DIS3L2: variants seen among roughly 807,000 people sequenced by gnomAD.
The protein encoded by DIS3L2 is DIS3-like exonuclease 2.
In DIS3L2, 34 loss-of-function variants were observed where a neutral mutation model predicts 97.5. The ratio of observed to expected loss-of-function variants is 0.35; its 90% CI spans 0.27 to 0.46. The LOEUF (loss-of-function observed/expected upper bound fraction) is 0.46, where lower values mean the gene tolerates loss of function less well. DIS3L2 is among the 20% of genes least tolerant of loss of function. DIS3L2 has a pLI of 1.00. For synonymous variants in DIS3L2, 435 were observed against 445.2 expected, an observed-to-expected ratio of 0.98 and a Z score of 0.29; for missense variants, 1,038 against 1,146.0, an observed-to-expected ratio of 0.91 and a Z score of 1.36.
intron 14 of DIS3L2, among the ~76,000 whole-genome samples, chr2:232,326,162 T>C (rs573061324): frequency 1.3e-5 from 2 of 152,048 alleles, no homozygotes; most frequent in East Asian, 3.9e-4. Flanking sequence ...AGCTGGAGCC[T>C]CCCCATCCCA....
rs763148451 is a variant in DIS3L2, at chr2:232,329,999, G to C, written c.1923+3G>C. ...TCAGCTCCGCAGGAGCCCTCAATGT[G>C]AGTGGTGGGCAGGATTCGGGGGAGG... is the stretch of plus-strand genomic sequence containing the variant. On this transcript the variant is annotated splice_donor_region_variant and intron_variant, in intron 15 of 20. Transcript: ENST00000325385. 1 of 1,605,176 alleles carries C rather than the reference G, an allele frequency of 6.2e-7. No homozygotes were observed. Among genetic ancestry groups the C allele is most frequent in the Non-Finnish European group, 8.5e-7 (1 of 1,174,710 alleles).
chr2:232,232,770 A>G (rs1692830234), intron 10 of DIS3L2, among the ~76,000 whole-genome samples: 2 of 152,172 alleles, frequency 1.3e-5, no homozygotes, highest in African/African-American at 2.4e-5. Context: ...TAGGCTGGTG[A>G]TATACAATTA....
chr2:232,084,901 C>A (rs1240484655), intron 5 of DIS3L2, among the ~76,000 whole-genome samples: 1 of 100,376 alleles, frequency 1.0e-5, no homozygotes, highest in Non-Finnish European at 2.1e-5. Context: ...TCTGATCGTT[C>A]TTTGTAATAT....
At chr2:232,283,485 GGGCTCA>G (rs1221181788) in intron 13 of DIS3L2, among the ~76,000 whole-genome samples, 3 of 152,102 alleles carry the variant, frequency 2.0e-5, no homozygotes, top group African/African-American at 7.2e-5. Context: ...TCCAACTCCT[GGGCTCA>G]GGCAGTCCTT....
intron 7 of DIS3L2, 111 bp from the exon 8 acceptor site, chr2:232,136,361 A>G (rs1698358393): frequency 7.2e-7 from 1 of 1,396,720 alleles, no homozygotes; most frequent in Admixed American, 2.1e-5. Context: ...ATTTTGACCT[A>G]GAAAAACTGC....
At chr2:231,971,731 C>A (rs1166536389) in intron 1 of DIS3L2, among the ~76,000 whole-genome samples, 2 of 152,066 alleles carry the variant, frequency 1.3e-5, no homozygotes, top group East Asian at 3.9e-4. Flanking sequence ...CAGGCGTGAG[C>A]CACCGCACCC....
chr2:232,139,626 AT>A (rs1698456633), intron 8 of DIS3L2, among the ~76,000 whole-genome samples: 1 of 152,172 alleles, frequency 6.6e-6, no homozygotes, highest in African/African-American at 2.4e-5. Context: ...ACAAAACAGA[AT>A]GTTCTAAGTT....
chr2:232,081,170 A>G lies in DIS3L2; in HGVS notation c.367-6317A>G, dbSNP rs7569289. On this transcript the variant is annotated intron_variant, in intron 5 of 20. Transcript: ENST00000325385. ...CAGGTTTAATTTTGGGGAAAAAAAT[A>G]CTTCGTAGGTGGTGATGTGTACTTC... Among the ~76,000 whole-genome samples the G allele has an allele frequency of 8.7e-3, 1,324 of 152,284 alleles. 18 individuals carry two copies. Among genetic ancestry groups the G allele is most frequent in the African/African-American group, 0.03 (1,236 of 41,556 alleles).
rs72998165 is a variant in DIS3L2 at position 232,292,125 on chromosome 2, G to T, written c.1660-7915G>T. ...ACACTTTCCTGTCTTGTCTCGTCAC[G>T]CTTCTGGTTATTCTTATGAATGTAG... On this transcript the variant is annotated intron_variant, in intron 13 of 20. Transcript: ENST00000325385. This position sits in a 1 kb window ranked among gnomAD's most constrained non-coding sequence, Gnocchi z 4.4. Among the ~76,000 whole-genome samples the T allele has an allele frequency of 0.054, 8,159 of 152,174 alleles. 341 individuals are homozygous for T. Among genetic ancestry groups the T allele is most frequent in the African/African-American group, 0.11 (4,617 of 41,504 alleles).
chr2:232,005,360 C>T (rs1694024575), intron 1 of DIS3L2, among the ~76,000 whole-genome samples: 1 of 152,034 alleles, frequency 6.6e-6, no homozygotes, highest in Non-Finnish European at 1.5e-5. Flanking sequence ...GCTAAGGGGT[C>T]AGCCTGAGAC....
chr2:232,050,364 C>T (rs10190505), intron 5 of DIS3L2, among the ~76,000 whole-genome samples: 10,070 of 152,096 alleles, frequency 0.066, 640 homozygotes, highest in African/African-American at 0.16. Flanking sequence ...CTCTGCCTTC[C>T]GGGTTCAAGT....
Position 232,134,469 on chromosome 2 carries a change from G to A in DIS3L2, c.703-2003G>A, listed in dbSNP as rs142951705. 6.5e-3 allele frequency among the ~76,000 whole-genome samples: 992 copies of A among 152,316 alleles called. 16 individuals are homozygous for A. The highest frequency in any genetic ancestry group is 0.023 in the African/African-American group (940 of 41,554). ...ACTGAGGGTTTTTAGGGTGGGGTTA[G>A]TGGAAGGACCAGAAGATAAGGCATT... On this transcript the variant is annotated intron_variant, in intron 7 of 20. Coordinates refer to ENST00000325385, the MANE Select transcript of DIS3L2 (RefSeq NM_152383.5).
chr2:232,174,510 T>TGGGAGG, intron 9 of DIS3L2, among the ~76,000 whole-genome samples: 1 of 141,900 alleles, frequency 7.0e-6, no homozygotes, highest in South Asian at 2.2e-4. Context: ...CGCTTGAACC[T>TGGGAGG]GGGAGGTGGA....
chr2:232,227,323 C>T (rs1174310561), intron 10 of DIS3L2, among the ~76,000 whole-genome samples: 1 of 152,160 alleles, frequency 6.6e-6, no homozygotes, highest in East Asian at 1.9e-4. Flanking sequence ...CTCCATAATG[C>T]AGTGGTTAGG....
At chr2:232,105,127 G>A (rs2106327080) in intron 6 of DIS3L2, among the ~76,000 whole-genome samples, 1 of 152,228 alleles carries the variant, frequency 6.6e-6, no homozygotes, top group South Asian at 2.1e-4. Context: ...CACACATTTT[G>A]TTTATCCATC....
At chr2:232,101,548 C>T (rs1188236364) in intron 6 of DIS3L2, among the ~76,000 whole-genome samples, 2 of 152,136 alleles carry the variant, frequency 1.3e-5, no homozygotes, top group African/African-American at 4.8e-5. Context: ...TTAGAACATA[C>T]CTAGTATAGT....
intron 13 of DIS3L2, among the ~76,000 whole-genome samples, chr2:232,342,839 C>T (rs886070486): frequency 6.6e-6 from 1 of 152,332 alleles, no homozygotes; most frequent in East Asian, 1.9e-4. Flanking sequence ...TGGGCAGCTC[C>T]GTGAGCCAGG....
At chr2:232,290,071 T>C (rs1193826183) in intron 13 of DIS3L2, among the ~76,000 whole-genome samples, 1 of 152,240 alleles carries the variant, frequency 6.6e-6, no homozygotes, top group Non-Finnish European at 1.5e-5. Flanking sequence ...CCTTCGACAG[T>C]AGTTGGCCTG....
rs771992590 is a variant in DIS3L2 at position 232,238,538 on chromosome 2, T to A, written c.1210T>A (p.Phe404Ile). The A allele has an allele frequency of 1.9e-6, 3 of 1,613,900 alleles. No homozygotes were observed. The East Asian group carries it at 6.7e-5, about 36-fold the overall frequency. Residue 404 changes from phenylalanine to isoleucine, a missense_variant, in exon 11 of 21, where the codon TTC becomes ATC. By Grantham distance (21) the Phe-to-Ile change is conservative. Transcript: ENST00000325385. The part of the protein sequence containing the change: ...LSCKPLADGN[F>I]KVGVHIADVS... The stretch of plus-strand genomic sequence containing the variant: ...TCCTTCTCGTGCATTTACAGGCAAC[T>A]TCAAAGTGGGAGTTCACATTGCTGA...
Sources: gnomAD v4.1 joint callset for allele counts (sites outside exome capture counted in the v4.1 genomes callset) on GRCh38, gnomAD v4.1.1 for gene constraint, Gnocchi (gnomAD v3.1) non-coding constraint, MANE v1.5 for transcripts, NCBI Gene and HGNC (gene_info 2026-07-23, HGNC 2026-07-21) for gene names.